PTPRK: variants seen among roughly 807,000 people sequenced by gnomAD.
PTPRK encodes the protein receptor-type tyrosine-protein phosphatase kappa.
A neutral mutation model predicts 178.0 loss-of-function variants in PTPRK; 75 were observed. The observed-to-expected ratio is 0.42, with a 90% CI of 0.35 to 0.51. PTPRK has a LOEUF of 0.51. Among genes scored for constraint, PTPRK ranks in the 20% least tolerant of loss-of-function variants. The pLI is 0.02. For synonymous variants in PTPRK, 637 were observed against 620.6 expected (o/e 1.03, Z -0.39); for missense variants, 1,441 against 1,797.8 (o/e 0.80, Z 3.59).
intron 2 of PTPRK, among the ~76,000 whole-genome samples, chr6:128,355,431 T>C (rs1256900617): frequency 6.6e-6 from 1 of 152,220 alleles, no homozygotes; most frequent in Admixed American, 6.5e-5. Context: ...AAATATTTTT[T>C]GTGCCTTTAA....
chr6:128,449,614 T>TC (rs1847494983), intron 1 of PTPRK, among the ~76,000 whole-genome samples: 1 of 152,100 alleles, frequency 6.6e-6, no homozygotes, highest in Admixed American at 6.5e-5. Flanking sequence ...GATTTTTTTT[T>TC]CCCAAGGTGC....
intron 7 of PTPRK, among the ~76,000 whole-genome samples, chr6:128,105,299 A>AATT (rs1789529193): frequency 6.6e-6 from 1 of 151,626 alleles, no homozygotes; most frequent in South Asian, 2.1e-4. Context: ...ACGCCCTGCT[A>AATT]TTTTTTTGTA....
At chr6:128,001,519 T>C (rs1339306687) in intron 15 of PTPRK, among the ~76,000 whole-genome samples, 2 of 152,044 alleles carry the variant, frequency 1.3e-5, no homozygotes, top group Non-Finnish European at 2.9e-5. Flanking sequence ...TGAATGTTTA[T>C]ATAACTAGAC....
At chr6:128,087,880 A>T (rs1385677064) in intron 8 of PTPRK, among the ~76,000 whole-genome samples, 1 of 152,178 alleles carries the variant, frequency 6.6e-6, no homozygotes, top group Non-Finnish European at 1.5e-5. Context: ...ACAGCAAGGC[A>T]CATGAAATGA....
intron 3 of PTPRK, among the ~76,000 whole-genome samples, chr6:128,284,019 TTCTCTC>T (rs1368406683): frequency 1.3e-5 from 2 of 152,028 alleles, no homozygotes; most frequent in East Asian, 3.9e-4. Context: ...TTCTCTCTGT[TTCTCTC>T]TCTCTTTTTC....
intron 8 of PTPRK, among the ~76,000 whole-genome samples, chr6:128,088,865 T>C (rs1327753601): frequency 2.6e-5 from 4 of 152,222 alleles, no homozygotes; most frequent in Non-Finnish European, 2.9e-5. Context: ...AAGGCCATTA[T>C]ATTAGACTTA....
chr6:128,335,593 A>G (rs1374745432), intron 2 of PTPRK, among the ~76,000 whole-genome samples: 3 of 152,044 alleles, frequency 2.0e-5, no homozygotes, highest in African/African-American at 7.2e-5. Context: ...AGGGTGGTAG[A>G]GAAAATAGGG....
chr6:127,979,993 G>A (rs1294390140), intron 25 of PTPRK, among the ~76,000 whole-genome samples: 14 of 152,026 alleles, frequency 9.2e-5, no homozygotes, highest in African/African-American at 3.4e-4. Context: ...CCTGGCCAAT[G>A]TGGTGAAATC....
At chr6:128,046,197 A>T (rs1778007215) in intron 13 of PTPRK, among the ~76,000 whole-genome samples, 1 of 152,124 alleles carries the variant, frequency 6.6e-6, no homozygotes, top group South Asian at 2.1e-4. Context: ...CTCTATTACT[A>T]ATATACTTTT....
At chr6:128,354,231 G>GTATTTTTT in intron 2 of PTPRK, among the ~76,000 whole-genome samples, 1 of 49,368 alleles carries the variant, frequency 2.0e-5, no homozygotes, top group African/African-American at 9.4e-5. Context: ...TTTTGTTTAT[G>GTATTTTTT]TTTTTTTTTT....
intron 6 of PTPRK, among the ~76,000 whole-genome samples, chr6:128,202,779 T>A (rs1265664737): frequency 6.6e-6 from 1 of 152,004 alleles, no homozygotes; most frequent in Non-Finnish European, 1.5e-5. Flanking sequence ...CAAACCAAAA[T>A]AAAGCCCAGG....
rs1858893223 is a variant in PTPRK, at chr6:128,520,467, G to A, written c.-109C>T. 2 of 993,924 alleles carry A rather than the reference G, an allele frequency of 2.0e-6. No individual in the cohort carries two copies. The highest frequency in any genetic ancestry group is 3.0e-6 in the Non-Finnish European group (2 of 656,752). 61.6% of individuals were successfully genotyped at this position (993,924 alleles called of 1,614,324 possible). ...GGGCCTCGCGGGGTGAGGACGGTGA[G>A]AGGACAGCCGCCCGCCCGCCCTTTT... On this transcript the variant is annotated 5_prime_UTR_variant, in exon 1 of 30. Coordinates refer to ENST00000368226, the MANE Select transcript of PTPRK (RefSeq NM_002844.4).
chr6:128,064,549 A>T (rs1157968055), intron 13 of PTPRK, among the ~76,000 whole-genome samples: 1 of 152,184 alleles, frequency 6.6e-6, no homozygotes, highest in Admixed American at 6.6e-5. Context: ...GGTTTTCTAG[A>T]TCTTTCCTGT....
chr6:128,444,968 A>C (rs983009656), intron 1 of PTPRK, among the ~76,000 whole-genome samples: 2 of 152,048 alleles, frequency 1.3e-5, no homozygotes, highest in African/African-American at 4.8e-5. Flanking sequence ...CCACATTTAT[A>C]TACAATACCA....
intron 8 of PTPRK, among the ~76,000 whole-genome samples, chr6:128,088,697 A>G (rs1382722372): frequency 6.6e-6 from 1 of 152,228 alleles, no homozygotes; most frequent in Non-Finnish European, 1.5e-5. Context: ...ATTATAATAT[A>G]CTGTAGTGCT....
intron 3 of PTPRK, among the ~76,000 whole-genome samples, chr6:128,255,878 C>G (rs1199867320): frequency 6.6e-6 from 1 of 152,174 alleles, no homozygotes; most frequent in Non-Finnish European, 1.5e-5. Flanking sequence ...AGTTTCAATC[C>G]TATAGGTTTT....
At position 128,359,848 on chromosome 6, in the gene PTPRK, G is replaced by C. The variant is rs907429887; in HGVS notation, c.224-37538C>G. 2.8e-4 allele frequency among the ~76,000 whole-genome samples: 43 copies of C among 152,098 alleles called. 1 individual carries two copies. Among genetic ancestry groups the C allele is most frequent in the Non-Finnish European group, 7.4e-5 (5 of 68,010 alleles). On this transcript the variant is annotated intron_variant, in intron 2 of 29. Coordinates refer to ENST00000368226, the MANE Select transcript of PTPRK (RefSeq NM_002844.4). ...TTGCCTACTATCTCAATTAATAAGT[G>C]AAGAATTAGCCATAGAGTGCATGGC...
chr6:128,043,251 T>C (rs965015660), intron 13 of PTPRK, among the ~76,000 whole-genome samples: 8 of 152,028 alleles, frequency 5.3e-5, no homozygotes. Context: ...ACATATATGA[T>C]CATTTTAACT....
intron 7 of PTPRK, among the ~76,000 whole-genome samples, chr6:128,151,259 G>T (rs1460962209): frequency 6.6e-6 from 1 of 151,726 alleles, no homozygotes; most frequent in Non-Finnish European, 1.5e-5. Flanking sequence ...AATGTACTTG[G>T]AACTATATTT....
Sources: gnomAD v4.1 joint callset for allele counts (sites outside exome capture counted in the v4.1 genomes callset) on GRCh38, gnomAD v4.1.1 for gene constraint, MANE v1.5 for transcripts, NCBI Gene and HGNC (gene_info 2026-07-23, HGNC 2026-07-21) for gene names.